The following DNAH9 variants were observed in gnomAD, a reference collection of about 807,000 sequenced individuals.
DNAH9 encodes the protein dynein axonemal heavy chain 9, also known as DNAH9 variant protein.
Under a neutral mutation model 471.6 loss-of-function variants are expected in DNAH9, and 345 were observed. That is an observed-to-expected ratio of 0.73 (90% confidence interval 0.67 to 0.80). DNAH9 has a LOEUF of 0.80. Ranked by LOEUF, DNAH9 falls within the 30% of genes least tolerant of loss-of-function variation. DNAH9 has a pLI of 0.00. For synonymous variants in DNAH9, 2,093 were observed against 2,123.6 expected (o/e 0.99, Z 0.40); for missense variants, 5,407 against 5,609.2 (o/e 0.96, Z 1.15).
At position 11,871,609 on chromosome 17, in the gene DNAH9, C is replaced by T. The variant is rs561964151; in HGVS notation, c.10065C>T (p.Leu3355=). 100 of 1,613,706 alleles carry T rather than the reference C, an allele frequency of 6.2e-5. No individual in the cohort carries two copies. The South Asian group carries it at 9.3e-4, about 15-fold the overall frequency. Reference sequence around the variant, plus strand: ...TTTTGAAATGGTAGGTTGGAGGACTCGCTTCTGAAAACGTGAGGTGGGCAG... The same window carrying T: ...TTTTGAAATGGTAGGTTGGAGGACTTGCTTCTGAAAACGTGAGGTGGGCAG... The part of the protein sequence containing the change: ...ISLANRLVGG[L]ASENVRWADA... The change falls in exon 52 of 69, where the codon CTC becomes CTT. Residue 3355 remains leucine (L), a synonymous_variant. Transcript: ENST00000262442.
chr17:11,838,740 A>G (rs1016201259), intron 49 of DNAH9, among the ~76,000 whole-genome samples: 3 of 152,144 alleles, frequency 2.0e-5, no homozygotes, highest in Non-Finnish European at 2.9e-5. Context: ...ACAGGTGGCA[A>G]TGCATTACTG....
rs137954169 is a variant in DNAH9, at chr17:11,632,100, T to C, written c.1519-487T>C. Among the ~76,000 whole-genome samples the C allele has an allele frequency of 1.1e-4, 16 of 152,314 alleles. 1 individual carries two copies. In the East Asian group the frequency reaches 3.1e-3, roughly 29 times the overall value. Reference sequence around the variant, plus strand: ...TGCTGTCTTAACCAATTAAGAAGGATTTAGAAGAAATTGTTTGTATTAGTT... The same window carrying C: ...TGCTGTCTTAACCAATTAAGAAGGACTTAGAAGAAATTGTTTGTATTAGTT... On this transcript the variant is annotated intron_variant, in intron 7 of 68. Coordinates refer to ENST00000262442, the MANE Select transcript of DNAH9 (RefSeq NM_001372.4).
intron 33 of DNAH9, among the ~76,000 whole-genome samples, chr17:11,753,539 C>T (rs765738816): frequency 1.8e-4 from 28 of 152,258 alleles, no homozygotes; most frequent in Middle Eastern, 3.4e-3. Context: ...TTGTGGCAAG[C>T]GCCTGTAATC....
At chr17:11,901,580 C>T (rs1234172239) in intron 59 of DNAH9, among the ~76,000 whole-genome samples, 2 of 152,128 alleles carry the variant, frequency 1.3e-5, no homozygotes, top group Non-Finnish European at 2.9e-5. Flanking sequence ...CCTGTAGTCC[C>T]AGCTACTCGG....
chr17:11,869,517 T>G (rs1443068435), intron 51 of DNAH9, among the ~76,000 whole-genome samples: 1 of 152,194 alleles, frequency 6.6e-6, no homozygotes, highest in Admixed American at 6.5e-5. Context: ...GGTAACACAC[T>G]TATATTCATG....
chr17:11,658,251 A>ACCAAGTTT (rs2073690692), intron 14 of DNAH9, among the ~76,000 whole-genome samples: 1 of 152,126 alleles, frequency 6.6e-6, no homozygotes, highest in African/African-American at 2.4e-5. Flanking sequence ...TAAATCTAGC[A>ACCAAGTTT]CCAAGTTTTT....
At chr17:11,644,232 T>C (rs933132378) in intron 10 of DNAH9, among the ~76,000 whole-genome samples, 1 of 152,236 alleles carries the variant, frequency 6.6e-6, no homozygotes, top group Non-Finnish European at 1.5e-5. Context: ...AATGCCATTA[T>C]GTGGTGCATG....
chr17:11,934,194 G>A (rs1335302860), intron 65 of DNAH9, 123 bp downstream of exon 65: 1 of 1,064,458 alleles, frequency 9.4e-7, no homozygotes. Flanking sequence ...GCTGCAGGCA[G>A]GGGCTGAGGC....
At chr17:11,935,567 G>A (rs189014868) in intron 65 of DNAH9, among the ~76,000 whole-genome samples, 5 of 151,224 alleles carry the variant, frequency 3.3e-5, no homozygotes, top group Admixed American at 2.6e-4. Flanking sequence ...GTAGAGACGG[G>A]GTTTCATCAT....
Position 11,727,900 on chromosome 17 carries a change from T to A in DNAH9, c.5792T>A (p.Val1931Asp), listed in dbSNP as rs772471463. ...GAGTTTAATCGAATCTCCGTGGAGG[T>A]CTTGTCAGTGGTGGCAGTGCAGGTA... The part of the protein sequence containing the change: ...FDEFNRISVE[V>D]LSVVAVQVKS... Residue 1931 changes from valine to aspartate, a missense_variant, in exon 28 of 69, where the codon GTC becomes GAC. By Grantham distance (152) the Val-to-Asp change is radical. Around this residue, in one of 3 missense-constraint regions of DNAH9, gnomAD observed 4,636 missense variants for 4,900.3 expected, o/e 0.95. Transcript: ENST00000262442. 1.5e-5 allele frequency: 24 copies of A among 1,613,710 alleles called. No individual in the cohort carries two copies. The East Asian group carries it at 5.3e-4, about 36-fold the overall frequency.
rs1265739679 is a variant in DNAH9 at position 11,881,231 on chromosome 17, G to A, written c.10624G>A (p.Glu3542Lys). 1 of 1,614,052 alleles carries A rather than the reference G, an allele frequency of 6.2e-7. No individual in the cohort carries two copies. The highest frequency in any genetic ancestry group is 1.3e-5 in the African/African-American group (1 of 74,918). The change falls in exon 55 of 69, where the codon GAA becomes AAA. Residue 3542 changes from glutamate to lysine, a missense_variant. Transcript: ENST00000262442. ...KGRFIKIGDK[E>K]CEYNPKFRLI... ...CAGATTCATTAAAATTGGAGACAAA[G>A]AATGTGAATACAATCCCAAGTTCCG...
chr17:11,817,695 C>T (rs992029745), intron 45 of DNAH9, among the ~76,000 whole-genome samples: 7 of 152,082 alleles, frequency 4.6e-5, no homozygotes, highest in African/African-American at 1.2e-4. Context: ...ATTTTCTTAG[C>T]GGTTTTCCTT....
intron 9 of DNAH9, among the ~76,000 whole-genome samples, chr17:11,637,165 CCATAG>C (rs1285765573): frequency 1.3e-5 from 2 of 152,314 alleles, no homozygotes; most frequent in South Asian, 2.1e-4. Flanking sequence ...CCTTCCAATG[CCATAG>C]CAACCATGCT....
chr17:11,716,419 G>GA (rs2074964882), intron 26 of DNAH9, among the ~76,000 whole-genome samples: 1 of 151,836 alleles, frequency 6.6e-6, no homozygotes, highest in Non-Finnish European at 1.5e-5. Flanking sequence ...TGGCCTGAGG[G>GA]AAAGCCCCAC....
At chr17:11,740,116 A>G (rs1185486560) in intron 29 of DNAH9, among the ~76,000 whole-genome samples, 1 of 152,212 alleles carries the variant, frequency 6.6e-6, no homozygotes, top group Non-Finnish European at 1.5e-5. Flanking sequence ...AATGCCAACA[A>G]GCTGTCTAAA....
intron 59 of DNAH9, 83 bp downstream of exon 59, chr17:11,894,579 G>T (rs2151006597): frequency 4.5e-6 from 7 of 1,553,932 alleles, no homozygotes; most frequent in South Asian, 1.2e-5. Context: ...AGTCAGCAGG[G>T]CTCTCTGTTG....
intron 19 of DNAH9, among the ~76,000 whole-genome samples, chr17:11,688,093 AAAAAAAAG>A (rs1193591082): frequency 0.018 from 2,650 of 148,308 alleles, 98 homozygotes; most frequent in South Asian, 0.1. Flanking sequence ...AAAAAAAAAA[AAAAAAAAG>A]AAAAAGCCAT....
At chr17:11,840,536 C>G in intron 49 of DNAH9, among the ~76,000 whole-genome samples, 1 of 152,298 alleles carries the variant, frequency 6.6e-6, no homozygotes, top group East Asian at 1.9e-4. Context: ...GACAGAACAA[C>G]ATGGTAGGCT....
chr17:11,737,782 C>G (rs930187678), intron 28 of DNAH9, among the ~76,000 whole-genome samples: 1 of 152,274 alleles, frequency 6.6e-6, no homozygotes, highest in African/African-American at 2.4e-5. Flanking sequence ...GCACTAACAG[C>G]CCTCTGTGTC....
Sources: gnomAD v4.1 joint callset for allele counts (sites outside exome capture counted in the v4.1 genomes callset) on GRCh38, gnomAD v4.1.1 for gene constraint, gnomAD v4.1.1 regional missense constraint, MANE v1.5 for transcripts, NCBI Gene and HGNC (gene_info 2026-07-23, HGNC 2026-07-21) for gene names.